The following TMEM132D variants were observed in gnomAD, a reference collection of about 807,000 sequenced individuals.
The protein encoded by TMEM132D is transmembrane protein 132D.
Under a neutral mutation model 62.3 loss-of-function variants are expected in TMEM132D, and 21 were observed. That is an observed-to-expected ratio of 0.34 (90% confidence interval 0.24 to 0.49). The LOEUF is 0.49. TMEM132D is among the 20% of genes least tolerant of loss of function. The pLI, the probability that TMEM132D is intolerant of heterozygous loss-of-function variation, is 0.99. For missense variants in TMEM132D, 1,346 were observed against 1,402.8 expected, an observed-to-expected ratio of 0.96 and a Z score of 0.65; for synonymous variants, 621 against 575.6, an observed-to-expected ratio of 1.08 and a Z score of -1.13.
At chr12:129,281,440 G>A (rs1274194954) in intron 4 of TMEM132D, among the ~76,000 whole-genome samples, 2 of 147,124 alleles carry the variant, frequency 1.4e-5, no homozygotes, top group African/African-American at 2.5e-5. Flanking sequence ...AAAAAAAAAA[G>A]AAAGAAAATG....
At chr12:129,239,520 G>A (rs1407845670) in intron 4 of TMEM132D, among the ~76,000 whole-genome samples, 1 of 152,178 alleles carries the variant, frequency 6.6e-6, no homozygotes, top group African/African-American at 2.4e-5. Context: ...CAGTACCTTT[G>A]AGTGGGACCT....
chr12:129,512,289 G>A (rs1875518568), intron 3 of TMEM132D, among the ~76,000 whole-genome samples: 1 of 152,156 alleles, frequency 6.6e-6, no homozygotes, highest in East Asian at 1.9e-4. Flanking sequence ...GACAAAGGCT[G>A]GTGTCATCAG....
chr12:129,274,561 T>G (rs922987802), intron 4 of TMEM132D, among the ~76,000 whole-genome samples: 1 of 152,210 alleles, frequency 6.6e-6, no homozygotes, highest in Non-Finnish European at 1.5e-5. Context: ...GGCAAGAAGA[T>G]GCTCTGGAAT....
chr12:129,648,136 A>G (rs1016899136), intron 2 of TMEM132D, among the ~76,000 whole-genome samples: 7 of 152,022 alleles, frequency 4.6e-5, no homozygotes, highest in South Asian at 4.2e-4. Context: ...AACCTTCCCA[A>G]TCGCTCCTAT....
intron 3 of TMEM132D, among the ~76,000 whole-genome samples, chr12:129,415,305 C>T (rs910238579): frequency 6.6e-6 from 1 of 152,200 alleles, no homozygotes; most frequent in Non-Finnish European, 1.5e-5. Context: ...TACAAGGCTT[C>T]CCTTTCCCCA....
chr12:129,342,413 C>T (rs1340119315), intron 3 of TMEM132D, among the ~76,000 whole-genome samples: 3 of 151,106 alleles, frequency 2.0e-5, no homozygotes, highest in African/African-American at 7.4e-5. Context: ...ACACTGTATA[C>T]AAAAATTAAT....
intron 2 of TMEM132D, among the ~76,000 whole-genome samples, chr12:129,675,323 T>C (rs1880600254): frequency 7.1e-6 from 1 of 141,594 alleles, no homozygotes; most frequent in African/African-American, 2.7e-5. Context: ...AATTGAACAA[T>C]GAGAACACAT....
At chr12:129,849,792 G>A (rs114198671) in intron 1 of TMEM132D, among the ~76,000 whole-genome samples, 1,862 of 152,204 alleles carry the variant, frequency 0.012, 39 homozygotes, top group African/African-American at 0.042. Context: ...CAGTATACAC[G>A]ATTACACAGA....
chr12:129,513,639 C>T (rs1461940001), intron 3 of TMEM132D, among the ~76,000 whole-genome samples: 5 of 150,504 alleles, frequency 3.3e-5, no homozygotes, highest in Non-Finnish European at 5.9e-5. Context: ...CACCCACCAC[C>T]ACGCCCGGAT....
intron 2 of TMEM132D, among the ~76,000 whole-genome samples, chr12:129,655,754 C>T (rs1880055506): frequency 6.6e-6 from 1 of 152,066 alleles, no homozygotes; most frequent in South Asian, 2.1e-4. Context: ...ATCTGTTGAA[C>T]CGGAAAATAG....
intron 2 of TMEM132D, among the ~76,000 whole-genome samples, chr12:129,547,532 GAGCAC>G (rs1167216734): frequency 6.6e-6 from 1 of 152,110 alleles, no homozygotes; most frequent in Non-Finnish European, 1.5e-5. Flanking sequence ...GCATTTTCAG[GAGCAC>G]AGTTCAACCC....
chr12:129,135,217 A>G (rs1876523697), intron 5 of TMEM132D, among the ~76,000 whole-genome samples: 1 of 152,168 alleles, frequency 6.6e-6, no homozygotes, highest in East Asian at 1.9e-4. Context: ...CAAACTTCAG[A>G]TCTCCTCTGC....
chr12:129,257,889 A>G (rs993125305), intron 4 of TMEM132D, among the ~76,000 whole-genome samples: 1 of 152,228 alleles, frequency 6.6e-6, no homozygotes, highest in Non-Finnish European at 1.5e-5. Context: ...TCCTGGGTCC[A>G]GCAACACCTG....
rs904509722 is a variant in TMEM132D, at chr12:129,904,017, G to A, written c.-678C>T. On this transcript the variant is annotated 5_prime_UTR_variant, in exon 1 of 9. Transcript: ENST00000422113. ...GGGCTCGCGGGGCTCTACGCGCGCC[G>A]AGCGCACTGCAGGCTCCGGAGACGC... Among the ~76,000 whole-genome samples the A allele has an allele frequency of 1.5e-4, 22 of 150,078 alleles. No individual in the cohort carries two copies. The highest frequency in any genetic ancestry group is 2.5e-4 in the Non-Finnish European group (17 of 67,270).
At chr12:129,192,508 G>C (rs1419173290) in intron 5 of TMEM132D, among the ~76,000 whole-genome samples, 1 of 152,180 alleles carries the variant, frequency 6.6e-6, no homozygotes, top group East Asian at 1.9e-4. Flanking sequence ...AGATTCTGTG[G>C]CAAATTCTTA....
At chr12:129,578,458 A>G (rs1877745260) in intron 2 of TMEM132D, among the ~76,000 whole-genome samples, 1 of 149,938 alleles carries the variant, frequency 6.7e-6, no homozygotes, top group Admixed American at 6.7e-5. Flanking sequence ...ATATATGACT[A>G]ATAATATTAT....
chr12:129,678,287 T>C (rs1011587640), intron 2 of TMEM132D, among the ~76,000 whole-genome samples: 4 of 152,204 alleles, frequency 2.6e-5, no homozygotes, highest in Middle Eastern at 3.2e-3. Context: ...TGGTTTCCTT[T>C]TTCCACATCC....
chr12:129,426,952 T>C (rs1214526103), intron 3 of TMEM132D, among the ~76,000 whole-genome samples: 1 of 152,194 alleles, frequency 6.6e-6, no homozygotes, highest in East Asian at 1.9e-4. Context: ...GATACACAGC[T>C]AGAGAGCTAT....
chr12:129,236,408 G>A (rs1055658151), intron 4 of TMEM132D, among the ~76,000 whole-genome samples: 5 of 151,042 alleles, frequency 3.3e-5, no homozygotes, highest in Admixed American at 2.6e-4. Flanking sequence ...CCAGCTACTC[G>A]GGAGGCTGAG....
Sources: gnomAD v4.1 joint callset for allele counts (sites outside exome capture counted in the v4.1 genomes callset) on GRCh38, gnomAD v4.1.1 for gene constraint, MANE v1.5 for transcripts, NCBI Gene and HGNC (gene_info 2026-07-23, HGNC 2026-07-21) for gene names.